Variants in DPP4 observed in about 807,000 individuals in gnomAD.
The protein encoded by DPP4 is ADCP-2.
In DPP4, 93 loss-of-function variants were observed where a neutral mutation model predicts 122.4. The observed-to-expected ratio is 0.76, with a 90% confidence interval of 0.64 to 0.90. The LOEUF is 0.90. DPP4 is among the 40% of genes least tolerant of loss of function. The pLI, the probability that DPP4 is intolerant of heterozygous loss-of-function variation, is 0.00. For missense variants in DPP4, 914 were observed against 907.3 expected, an observed-to-expected ratio of 1.01 and a Z score of -0.09; for synonymous variants, 321 against 302.9, an observed-to-expected ratio of 1.06 and a Z score of -0.62.
intron 5 of DPP4, among the ~76,000 whole-genome samples, chr2:162,041,741 C>A (rs1683994773): frequency 1.3e-5 from 2 of 152,092 alleles, no homozygotes; most frequent in Admixed American, 1.3e-4. Context: ...TAAAAGAAAA[C>A]CCATGATGTT....
At chr2:162,050,094 A>C (rs1684329747) in intron 2 of DPP4, among the ~76,000 whole-genome samples, 1 of 152,190 alleles carries the variant, frequency 6.6e-6, no homozygotes, top group African/African-American at 2.4e-5. Context: ...GCTACAGAAA[A>C]TATTTGAAAC....
chr2:162,004,227 C>A (rs1268303626), intron 23 of DPP4, among the ~76,000 whole-genome samples: 1 of 152,060 alleles, frequency 6.6e-6, no homozygotes, highest in Non-Finnish European at 1.5e-5. Flanking sequence ...AGTTAATCTC[C>A]CAGCTCTGTG....
intron 2 of DPP4, among the ~76,000 whole-genome samples, chr2:162,058,557 T>C (rs978366046): frequency 6.6e-6 from 1 of 152,238 alleles, no homozygotes; most frequent in African/African-American, 2.4e-5. Flanking sequence ...GAATAAACTC[T>C]ATATTTAATC....
At chr2:162,017,268 A>C in intron 16 of DPP4, 113 bp from the exon 17 acceptor site, 1 of 840,250 alleles carries the variant, frequency 1.2e-6, no homozygotes, top group East Asian at 2.7e-5. Flanking sequence ...TAGAATATAT[A>C]AATATTATAA....
chr2:162,073,734 C>T (rs938891864), intron 1 of DPP4: 6 of 689,866 alleles, frequency 8.7e-6, no homozygotes, highest in Non-Finnish European at 1.5e-5. Flanking sequence ...CGGGTTCGGG[C>T]GTGCGTTCTG....
Position 162,033,670 on chromosome 2 carries a change from A to C in DPP4, c.775-17T>G, listed in dbSNP as rs1576053365. The C allele has an allele frequency of 3.2e-6, 5 of 1,556,330 alleles. No individual in the cohort carries two copies. The highest frequency in any genetic ancestry group is 3.5e-6 in the Non-Finnish European group (4 of 1,145,146). On this transcript the variant is annotated splice_polypyrimidine_tract_variant and intron_variant, in intron 9 of 25. Transcript: ENST00000360534. ...AGCTCCTGCCTAGGAAAAAATAATC[A>C]CAGAATTGGTATTGACAAAAAAAAA...
chr2:161,996,077 TA>T (rs372894166), intron 23 of DPP4, among the ~76,000 whole-genome samples: 4,122 of 146,906 alleles, frequency 0.028, 92 homozygotes, highest in East Asian at 0.1. Flanking sequence ...AGAAATAGGA[TA>T]AAAAAAAAAA....
chr2:162,066,763 T>C (rs1054572959), intron 2 of DPP4, among the ~76,000 whole-genome samples: 3 of 152,194 alleles, frequency 2.0e-5, no homozygotes, highest in Non-Finnish European at 2.9e-5. Context: ...CTTCTACTTA[T>C]AGCAGAAGGT....
Position 161,992,802 on chromosome 2 carries a change from G to C in DPP4, c.*481C>G, listed in dbSNP as rs12617336. On this transcript the variant is annotated 3_prime_UTR_variant, in exon 26 of 26. Transcript: ENST00000360534. ...CTCCGAGGGGAGCTGACAGTAGCCT[G>C]CTCGTGTTGGTATGCTTGGACTTGG... The C allele has an allele frequency of 0.013, 2,045 of 156,464 alleles. 39 individuals carry two copies. Among genetic ancestry groups the C allele is most frequent in the East Asian group, 0.095 (512 of 5,374 alleles). 9.7% of individuals were successfully genotyped at this position (156,464 alleles called of 1,614,324 possible).
chr2:162,005,924 AG>A, intron 22 of DPP4, 115 bp from the exon 23 acceptor site: 1 of 818,460 alleles, frequency 1.2e-6, no homozygotes, highest in East Asian at 2.7e-5. Flanking sequence ...AGGAATATAG[AG>A]TTACTCTCAG....
intron 16 of DPP4, 55 bp from the exon 17 acceptor site, chr2:162,017,210 A>T: frequency 6.7e-7 from 1 of 1,487,864 alleles, no homozygotes; most frequent in South Asian, 1.2e-5. Context: ...TAGAAAAGAT[A>T]GTATAGATGA....
rs201660305 is a variant in DPP4, at chr2:162,014,378, C to A, written c.1637+18G>T. On this transcript the variant is annotated intron_variant, in intron 19 of 25. Coordinates refer to ENST00000360534, the MANE Select transcript of DPP4 (RefSeq NM_001935.4). ...TGACTCAATACTTCTAAATTGCTCC[C>A]TTCTCTTGAATACTTACACATCTAA... The A allele has an allele frequency of 1.3e-4, 209 of 1,593,362 alleles. 1 individual carries two copies. The highest frequency in any genetic ancestry group is 1.7e-4 in the Non-Finnish European group (201 of 1,165,462).
intron 7 of DPP4, 70 bp downstream of exon 7, chr2:162,038,879 A>G: frequency 7.6e-7 from 1 of 1,318,888 alleles, no homozygotes; most frequent in Non-Finnish European, 1.1e-6. Flanking sequence ...GCTTTGTATC[A>G]GGGTTAGTAA....
At chr2:162,069,636 G>A (rs550700545) in intron 2 of DPP4, among the ~76,000 whole-genome samples, 5 of 152,218 alleles carry the variant, frequency 3.3e-5, no homozygotes, top group Non-Finnish European at 7.3e-5. Flanking sequence ...AACTGAGCAA[G>A]CTGGAGTCAA....
intron 2 of DPP4, among the ~76,000 whole-genome samples, chr2:162,061,159 A>G (rs1354036448): frequency 1.3e-5 from 2 of 152,078 alleles, no homozygotes; most frequent in African/African-American, 2.4e-5. Flanking sequence ...CTCCTGCCTC[A>G]GCATCCCAAA....
At chr2:162,002,130 G>C (rs1168129889) in intron 23 of DPP4, among the ~76,000 whole-genome samples, 1 of 152,198 alleles carries the variant, frequency 6.6e-6, no homozygotes, top group South Asian at 2.1e-4. Context: ...CAGCCCTGGA[G>C]GTGTAGGCCT....
intron 2 of DPP4, among the ~76,000 whole-genome samples, chr2:162,066,006 T>C (rs1576075688): frequency 1.3e-5 from 2 of 152,258 alleles, no homozygotes; most frequent in East Asian, 1.9e-4. Context: ...TGGGTGAATA[T>C]GAAGTAGGAG....
intron 21 of DPP4, among the ~76,000 whole-genome samples, 190 bp downstream of exon 21, chr2:162,009,051 C>T (rs756929487): frequency 2.6e-5 from 4 of 152,114 alleles, no homozygotes; most frequent in Admixed American, 6.6e-5. Context: ...TACCTCACCT[C>T]CCTGGCTCAT....
chr2:162,042,789 G>A (rs1401557249), intron 5 of DPP4, among the ~76,000 whole-genome samples: 1 of 152,106 alleles, frequency 6.6e-6, no homozygotes, highest in East Asian at 1.9e-4. Flanking sequence ...TAAATCACAG[G>A]GAAACTGGCA....
Sources: allele counts gnomAD v4.1 joint callset (sites outside exome capture counted in the v4.1 genomes callset), GRCh38; gene constraint gnomAD v4.1.1; transcripts MANE v1.5; gene names NCBI Gene and HGNC (gene_info 2026-07-23, HGNC 2026-07-21).